The following PRTG variants were observed in gnomAD, a reference collection of about 807,000 sequenced individuals.
The protein encoded by PRTG is protogenin.
A neutral mutation model predicts 122.5 loss-of-function variants in PRTG; 67 were observed. The ratio of observed to expected loss-of-function variants is 0.55; its 90% confidence interval spans 0.45 to 0.67. PRTG has a LOEUF of 0.67. Among genes scored for constraint, PRTG ranks in the 30% least tolerant of loss-of-function variants. The pLI, the probability that PRTG is intolerant of heterozygous loss-of-function variation, is 0.00. For synonymous variants in PRTG, 554 were observed against 501.1 expected, an observed-to-expected ratio of 1.11 and a Z score of -1.41; for missense variants, 1,435 against 1,415.4, an observed-to-expected ratio of 1.01 and a Z score of -0.22.
chr15:55,632,782 G>A (rs768053093), intron 15 of PRTG, among the ~76,000 whole-genome samples: 35 of 152,154 alleles, frequency 2.3e-4, no homozygotes, highest in Non-Finnish European at 4.6e-4. Context: ...GACACTACTT[G>A]AAAATGTATA....
Position 55,638,955 on chromosome 15 carries a change from A to ATCATTCATTCAT in PRTG, c.2325-291_2325-280dup, listed in dbSNP as rs56726387. 6.6e-4 allele frequency among the ~76,000 whole-genome samples: 98 copies of ATCATTCATTCAT among 148,354 alleles called. 1 individual carries two copies. The highest frequency in any genetic ancestry group is 2.3e-3 in the African/African-American group (89 of 39,442). The stretch of plus-strand genomic sequence containing the variant: ...TTTCCTCTGAAATACTGGAAGTCAA[A>ATCATTCATTCAT]TCATTCATTCATTCATTCATTCATT... On this transcript the variant is annotated intron_variant, in intron 13 of 19. Transcript: ENST00000389286.
intron 2 of PRTG, among the ~76,000 whole-genome samples, chr15:55,685,325 A>G (rs1222279720): frequency 6.6e-6 from 1 of 152,184 alleles, no homozygotes; most frequent in Non-Finnish European, 1.5e-5. Context: ...GCCAGCAAAT[A>G]ATGGTGAAAA....
chr15:55,692,441 T>C (rs896928216), intron 2 of PRTG, among the ~76,000 whole-genome samples: 2 of 152,188 alleles, frequency 1.3e-5, no homozygotes, highest in African/African-American at 2.4e-5. Flanking sequence ...AGGATCCATA[T>C]AGTTCTGAGG....
At chr15:55,686,398 C>A (rs1267386576) in intron 2 of PRTG, among the ~76,000 whole-genome samples, 1 of 151,994 alleles carries the variant, frequency 6.6e-6, no homozygotes, top group Admixed American at 6.6e-5. Context: ...AAATATCTTA[C>A]TTAGTTTAAA....
At position 55,680,170 on chromosome 15, in the gene PRTG, T is replaced by C. The variant is rs762967614; in HGVS notation, c.857A>G (p.Asn286Ser). 1.2e-6 allele frequency: 2 copies of C among 1,612,220 alleles called. No homozygotes were observed. The highest frequency in any genetic ancestry group is 1.1e-5 in the South Asian group (1 of 91,046). ...GACATCAGATATCATGAGATTACCA[T>C]TTCCAAGTACCCGAGTATTAAAGAC... ...IDVFNTRVLGNGNLMISDVRL... is the reference protein window; with the variant it reads ...IDVFNTRVLGSGNLMISDVRL... Residue 286 changes from asparagine (N) to serine (S), a missense_variant, in exon 6 of 20, where the codon AAT becomes AGT. Asn to Ser is a conservative substitution (Grantham distance 46). Coordinates refer to ENST00000389286, the MANE Select transcript of PRTG (RefSeq NM_173814.6).
At chr15:55,724,002 C>T (rs762498310) in intron 2 of PRTG, among the ~76,000 whole-genome samples, 1 of 152,104 alleles carries the variant, frequency 6.6e-6, no homozygotes, top group Non-Finnish European at 1.5e-5. Context: ...CCGCCTGCCT[C>T]GGCCTCCCAA....
At chr15:55,719,004 C>G (rs1386850165) in intron 2 of PRTG, among the ~76,000 whole-genome samples, 3 of 152,148 alleles carry the variant, frequency 2.0e-5, no homozygotes, top group African/African-American at 7.2e-5. Context: ...CTCAGCCTCC[C>G]AAAGTGTTAG....
chr15:55,627,975 T>G (rs1756519665), intron 16 of PRTG, among the ~76,000 whole-genome samples: 1 of 152,130 alleles, frequency 6.6e-6, no homozygotes, highest in Admixed American at 6.5e-5. Flanking sequence ...TAGACTACTT[T>G]GAGTGGCAAG....
chr15:55,714,157 C>T lies in PRTG; in HGVS notation c.397+26225G>A, dbSNP rs113736277. ...ATACAAAAGCATGAACTCACTGTAA[C>T]ACCCTGAGAAGTAGTCATCCTTTTA... is the stretch of plus-strand genomic sequence containing the variant. On this transcript the variant is annotated intron_variant, in intron 2 of 19. Coordinates refer to ENST00000389286, the MANE Select transcript of PRTG (RefSeq NM_173814.6). Among the ~76,000 whole-genome samples the T allele has an allele frequency of 2.5e-3, 380 of 152,090 alleles. 1 individual carries two copies. Among genetic ancestry groups the T allele is most frequent in the Non-Finnish European group, 4.4e-3 (300 of 68,000 alleles).
intron 11 of PRTG, among the ~76,000 whole-genome samples, chr15:55,660,042 T>TTA (rs1181653777): frequency 2.0e-5 from 3 of 152,210 alleles, no homozygotes; most frequent in African/African-American, 2.4e-5. Flanking sequence ...CACATACTCA[T>TTA]TATATATATC....
At chr15:55,678,442 C>T (rs1029228179) in intron 7 of PRTG, among the ~76,000 whole-genome samples, 2 of 152,144 alleles carry the variant, frequency 1.3e-5, no homozygotes, top group Admixed American at 6.6e-5. Flanking sequence ...GACAAGGTCT[C>T]ACTGTGTTGC....
At chr15:55,720,886 G>A (rs942550561) in intron 2 of PRTG, among the ~76,000 whole-genome samples, 3 of 152,064 alleles carry the variant, frequency 2.0e-5, no homozygotes, top group Non-Finnish European at 4.4e-5. Context: ...GCTGCATGCG[G>A]GTTGGACAAG....
Position 55,639,637 on chromosome 15 carries a change from C to G in PRTG, c.2324+5G>C, listed in dbSNP as rs1435649593. 4 of 1,612,222 alleles carry G rather than the reference C, an allele frequency of 2.5e-6. No individual in the cohort carries two copies. On this transcript the variant is annotated splice_donor_5th_base_variant and intron_variant, in intron 13 of 19. Coordinates refer to ENST00000389286, the MANE Select transcript of PRTG (RefSeq NM_173814.6). ...AGAAAATAACCATTAACAGGAGCTACATACGTTTGAAGGTACAGAACCAAA... is the reference window on the plus strand; with the variant it reads ...AGAAAATAACCATTAACAGGAGCTAGATACGTTTGAAGGTACAGAACCAAA...
chr15:55,624,751 T>C (rs567149185), intron 17 of PRTG, among the ~76,000 whole-genome samples: 2 of 152,246 alleles, frequency 1.3e-5, no homozygotes, highest in South Asian at 2.1e-4. Context: ...ACAAGTATTG[T>C]TGCTTATTCA....
chr15:55,642,566 C>A (rs2141740097), intron 11 of PRTG, among the ~76,000 whole-genome samples: 1 of 146,368 alleles, frequency 6.8e-6, no homozygotes, highest in East Asian at 2.0e-4. Context: ...CCACTGCACT[C>A]CAGCCTGGGT....
At chr15:55,653,880 T>C (rs562870453) in intron 11 of PRTG, among the ~76,000 whole-genome samples, 1 of 152,364 alleles carries the variant, frequency 6.6e-6, no homozygotes, top group African/African-American at 2.4e-5. Context: ...CTGTTATTCC[T>C]TTTTTGATCA....
At chr15:55,722,618 A>AGAAAC (rs1202492527) in intron 2 of PRTG, among the ~76,000 whole-genome samples, 75 of 152,364 alleles carry the variant, frequency 4.9e-4, no homozygotes, top group African/African-American at 1.7e-3. Flanking sequence ...AGTCGTCAAG[A>AGAAAC]TTAGGCTTGT....
chr15:55,732,101 GTAT>G (rs1320662877), intron 2 of PRTG, among the ~76,000 whole-genome samples: 2 of 152,194 alleles, frequency 1.3e-5, no homozygotes, highest in Non-Finnish European at 2.9e-5. Flanking sequence ...TAAAAATATG[GTAT>G]TATCATCTTA....
chr15:55,642,228 A>C (rs1186849973), intron 11 of PRTG, among the ~76,000 whole-genome samples: 1 of 151,830 alleles, frequency 6.6e-6, no homozygotes, highest in African/African-American at 2.4e-5. Context: ...AACTCACATA[A>C]TTTAAGAAAT....
Sources: gnomAD v4.1 joint callset for allele counts (sites outside exome capture counted in the v4.1 genomes callset) on GRCh38, gnomAD v4.1.1 for gene constraint, MANE v1.5 for transcripts, NCBI Gene and HGNC (gene_info 2026-07-23, HGNC 2026-07-21) for gene names.